Variants in MAP3K8 observed in about 807,000 individuals in gnomAD.
MAP3K8 encodes Ewing sarcoma transformant.
MAP3K8 carries 22 observed loss-of-function variants against 45.8 expected under a neutral mutation model. The ratio of observed to expected loss-of-function variants is 0.48; its 90% CI spans 0.34 to 0.69. MAP3K8 has a LOEUF of 0.69. Among genes scored for constraint, MAP3K8 ranks in the 30% least tolerant of loss-of-function variants. The pLI, the probability that MAP3K8 is intolerant of heterozygous loss-of-function variation, is 0.01. For missense variants in MAP3K8, 419 were observed against 585.0 expected (o/e 0.72, Z 2.93); for synonymous variants, 223 against 214.3 (o/e 1.04, Z -0.36).
chr10:30,447,088 T>A (rs1836366644), intron 3 of MAP3K8, among the ~76,000 whole-genome samples: 1 of 152,190 alleles, frequency 6.6e-6, no homozygotes, highest in Admixed American at 6.6e-5. Context: ...TCAAAACTTC[T>A]AGTTCTAAGA....
chr10:30,435,443 T>G (rs943945930), intron 1 of MAP3K8, among the ~76,000 whole-genome samples: 2 of 152,194 alleles, frequency 1.3e-5, no homozygotes, highest in African/African-American at 4.8e-5. Flanking sequence ...CTTCCTTCCA[T>G]ACGCCTGAAA....
chr10:30,446,659 ACT>A (rs1836351130), intron 3 of MAP3K8, among the ~76,000 whole-genome samples: 1 of 152,032 alleles, frequency 6.6e-6, no homozygotes, highest in African/African-American at 2.4e-5. Flanking sequence ...TTGAAAGAAC[ACT>A]CTGGACATGT....
chr10:30,448,024 T>A lies in MAP3K8; in HGVS notation c.504+75T>A. The A allele has an allele frequency of 3.0e-6, 4 of 1,347,292 alleles. No homozygotes were observed. In the East Asian group the frequency reaches 9.3e-5, roughly 31 times the overall value. 83.5% of individuals were successfully genotyped at this position (1,347,292 alleles called of 1,614,324 possible). Reference sequence around the variant, plus strand: ...CTTTTGTTTTTTTGTCCATTTGCATTAACCAAAGGTTTTTATCGTTTGATT... The same window carrying A: ...CTTTTGTTTTTTTGTCCATTTGCATAAACCAAAGGTTTTTATCGTTTGATT... On this transcript the variant is annotated intron_variant, in intron 4 of 8. Transcript: ENST00000263056.
Position 30,452,337 on chromosome 10 carries a change from C to T in MAP3K8, c.873+593C>T, listed in dbSNP as rs187601843. Among the ~76,000 whole-genome samples the T allele has an allele frequency of 7.4e-3, 1,120 of 152,064 alleles. 6 individuals are homozygous for T. Among genetic ancestry groups the T allele is most frequent in the African/African-American group, 0.025 (1,020 of 41,468 alleles). Reference sequence around the variant, plus strand: ...ATACAAAATTAACCAGGCGTGGTGGCGGGCACCTGTAATCCCAGCTACTCG... The same window carrying T: ...ATACAAAATTAACCAGGCGTGGTGGTGGGCACCTGTAATCCCAGCTACTCG... On this transcript the variant is annotated intron_variant, in intron 6 of 8. Coordinates refer to ENST00000263056, the MANE Select transcript of MAP3K8 (RefSeq NM_005204.4).
chr10:30,436,905 A>C (rs1484655210), intron 1 of MAP3K8, among the ~76,000 whole-genome samples: 1 of 149,194 alleles, frequency 6.7e-6, no homozygotes, highest in Admixed American at 6.7e-5. Flanking sequence ...TTTTTTTTTT[A>C]ACCTCTGTGT....
rs757273381 is a variant in MAP3K8, at chr10:30,438,953, C to A, written c.15C>A (p.Ser5Arg). 3 of 1,607,246 alleles carry A rather than the reference C, an allele frequency of 1.9e-6. No individual in the cohort carries two copies. The highest frequency in any genetic ancestry group is 2.6e-6 in the Non-Finnish European group (3 of 1,174,890). Reference sequence around the variant, plus strand: ...GAGCAACAGTAATGGAGTACATGAGCACTGGAAGTGACAATAAAGAAGAGA... The same window carrying A: ...GAGCAACAGTAATGGAGTACATGAGAACTGGAAGTGACAATAAAGAAGAGA... MEYM[S>R]TGSDNKEEID... The change falls in exon 3 of 9, where the codon AGC becomes AGA. Residue 5 changes from serine (S) to arginine (R), a missense_variant. Ser to Arg is a moderately radical substitution (Grantham distance 110). Transcript: ENST00000263056.
intron 6 of MAP3K8, 28 bp from the exon 7 acceptor site, chr10:30,458,056 A>C (rs1836798500): frequency 7.0e-7 from 1 of 1,436,748 alleles, no homozygotes. Flanking sequence ...AGGGGAATGA[A>C]GCTGAATGTT....
chr10:30,450,116 A>G, intron 4 of MAP3K8, 142 bp from the exon 5 acceptor site: 1 of 638,190 alleles, frequency 1.6e-6, no homozygotes, highest in East Asian at 2.8e-5. Flanking sequence ...ACATTATTGT[A>G]ACTGGGCAGT....
At position 30,459,470 on chromosome 10, in the gene MAP3K8, G is replaced by A. The variant is rs753041396; in HGVS notation, c.1242G>A (p.Arg414=). ...TGGAGCGCAAGAGGCTGCTGAGTAG[G>A]AAGGAGCTGGAACTTCCTGAGAACA... ...ALLERKRLLS[R]KELELPENIA... is the part of the protein sequence containing the mutation. Residue 414 remains arginine, a synonymous_variant, in exon 8 of 9, where the codon AGG becomes AGA. Coordinates refer to ENST00000263056, the MANE Select transcript of MAP3K8 (RefSeq NM_005204.4). 4.3e-6 allele frequency: 7 copies of A among 1,614,042 alleles called. No individual in the cohort carries two copies. Among genetic ancestry groups the A allele is most frequent in the Non-Finnish European group, 5.9e-6 (7 of 1,180,032 alleles).
chr10:30,455,698 G>A (rs1836708598), intron 6 of MAP3K8, among the ~76,000 whole-genome samples: 1 of 152,040 alleles, frequency 6.6e-6, no homozygotes, highest in South Asian at 2.1e-4. Context: ...CACACACACG[G>A]TCTCTTTCCC....
intron 6 of MAP3K8, among the ~76,000 whole-genome samples, chr10:30,457,366 T>C (rs1453047055): frequency 3.3e-5 from 5 of 152,234 alleles, no homozygotes; most frequent in Admixed American, 3.3e-4. Flanking sequence ...ACACTTTATT[T>C]TTTAAGTTTT....
At chr10:30,458,042 A>T (rs746227816) in intron 6 of MAP3K8, 42 bp from the exon 7 acceptor site, 2 of 1,405,536 alleles carry the variant, frequency 1.4e-6, no homozygotes, top group Non-Finnish European at 1.9e-6. Context: ...AACCCACACA[A>T]AGGAGGGGAA....
In MAP3K8 at chr10:30,451,656, T is replaced by C. The variant is rs1431157160; in HGVS notation, c.785T>C (p.Met262Thr). Residue 262 changes from methionine to threonine, a missense_variant, in exon 6 of 9, where the codon ATG becomes ACG. Met to Thr is a moderately conservative substitution (Grantham distance 81). This residue lies in a region of MAP3K8 where 209 missense variants were observed against 367.3 expected (regional missense o/e 0.57). Coordinates refer to ENST00000263056, the MANE Select transcript of MAP3K8 (RefSeq NM_005204.4). ...HDIKPSNIVFMSTKAVLVDFG... is the reference protein window; with the variant it reads ...HDIKPSNIVFTSTKAVLVDFG... ...ATTTTAGCTAGCAACATTGTTTTCATGTCCACAAAAGCTGTTTTGGTGGAT... is the reference window on the plus strand; with the variant it reads ...ATTTTAGCTAGCAACATTGTTTTCACGTCCACAAAAGCTGTTTTGGTGGAT... The C allele has an allele frequency of 6.3e-7, 1 of 1,592,794 alleles. No homozygotes were observed. Among genetic ancestry groups the C allele is most frequent in the South Asian group, 1.2e-5 (1 of 85,634 alleles).
chr10:30,454,073 A>G (rs1440560203), intron 6 of MAP3K8, among the ~76,000 whole-genome samples: 2 of 152,120 alleles, frequency 1.3e-5, no homozygotes, highest in East Asian at 1.9e-4. Flanking sequence ...GCAGGAAGGT[A>G]AATGGGTGTA....
At chr10:30,444,415 A>T (rs1836237960) in intron 3 of MAP3K8, among the ~76,000 whole-genome samples, 1 of 152,030 alleles carries the variant, frequency 6.6e-6, no homozygotes, top group Non-Finnish European at 1.5e-5. Flanking sequence ...ATGAGCTGAG[A>T]TCGCCCCATT....
In MAP3K8 at chr10:30,437,409, AG is replaced by A. The variant is rs1835949760; in HGVS notation, c.-24+5del. ...AATCCTCACGACCACCTCATGAGGTAGGTGCTGTTATTACTTCCATTTTACA... is the reference window on the plus strand; with the variant it reads ...AATCCTCACGACCACCTCATGAGGTAGTGCTGTTATTACTTCCATTTTACA... On this transcript the variant is annotated splice_donor_region_variant and intron_variant, in intron 2 of 8. Transcript: ENST00000263056. The A allele has an allele frequency of 3.1e-6, 2 of 639,916 alleles. No individual in the cohort carries two copies. The highest frequency in any genetic ancestry group is 3.9e-6 in the Non-Finnish European group (2 of 514,352). 39.6% of individuals were successfully genotyped at this position (639,916 alleles called of 1,614,324 possible).
At chr10:30,454,840 A>G (rs148409008) in intron 6 of MAP3K8, among the ~76,000 whole-genome samples, 80 of 152,082 alleles carry the variant, frequency 5.3e-4, no homozygotes, top group African/African-American at 1.8e-3. Flanking sequence ...TGCTTACGAC[A>G]TGTTTTCTTT....
chr10:30,459,402 A>C lies in MAP3K8; in HGVS notation c.1174A>C (p.Arg392=), dbSNP rs768293075. 10 of 1,614,084 alleles carry C rather than the reference A, an allele frequency of 6.2e-6. No individual in the cohort carries two copies. In the Admixed American group the frequency reaches 1.7e-4, roughly 27 times the overall value. Residue 392 remains arginine (R), a synonymous_variant, in exon 8 of 9, where the codon AGA becomes CGA. Transcript: ENST00000263056. The part of the protein sequence containing the change: ...LLKHEALNPP[R]EDQPRCQSLD... ...AAAACATGAGGCCCTGAACCCGCCC[A>C]GAGAGGATCAGCCACGCTGTCAGAG... is the stretch of plus-strand genomic sequence containing the variant.
intron 1 of MAP3K8, chr10:30,434,611 C>T: frequency 1.0e-6 from 1 of 985,904 alleles, no homozygotes; most frequent in Non-Finnish European, 1.2e-6. Flanking sequence ...ACTCCTCCCC[C>T]TTCCTCCTCC....
Sources: gnomAD v4.1 joint callset for allele counts (sites outside exome capture counted in the v4.1 genomes callset) on GRCh38, gnomAD v4.1.1 for gene constraint, gnomAD v4.1.1 regional missense constraint, MANE v1.5 for transcripts, NCBI Gene and HGNC (gene_info 2026-07-23, HGNC 2026-07-21) for gene names.